Variants in NIPBL observed in about 807,000 individuals in gnomAD.
NIPBL encodes the protein nipped-B-like protein.
A neutral mutation model predicts 321.8 loss-of-function variants in NIPBL; 19 were observed. That is an observed-to-expected ratio of 0.06 (90% CI 0.04 to 0.09). The LOEUF is 0.09. NIPBL is among the 10% of genes least tolerant of loss of function. The pLI, the probability that NIPBL is intolerant of heterozygous loss-of-function variation, is 1.00. For missense variants in NIPBL, 2,210 were observed against 3,327.0 expected (o/e 0.66, Z 8.26); for synonymous variants, 1,106 against 1,114.1 (o/e 0.99, Z 0.14).
At chr5:36,899,197 A>G (rs981282379) in intron 1 of NIPBL, among the ~76,000 whole-genome samples, 2 of 152,234 alleles carry the variant, frequency 1.3e-5, no homozygotes, top group Non-Finnish European at 2.9e-5. Context: ...AGAGACAGTC[A>G]TGGGAGAACC....
chr5:36,906,005 A>G (rs1747607187), intron 1 of NIPBL, among the ~76,000 whole-genome samples: 6 of 152,118 alleles, frequency 3.9e-5, no homozygotes, highest in Admixed American at 3.9e-4. Context: ...TGGCCTCCCA[A>G]AGTGCTGGGA....
chr5:36,949,016 T>G (rs1234521873), intron 1 of NIPBL, among the ~76,000 whole-genome samples: 1 of 151,904 alleles, frequency 6.6e-6, no homozygotes, highest in Admixed American at 6.6e-5. Flanking sequence ...AAAAGTAAGA[T>G]GCAGAAGAAT....
rs113076307 is a variant in NIPBL at position 37,037,472 on chromosome 5, C to T, written c.5971+985C>T. ...AGATATAGATACCCATTGCTTGAAG[C>T]GCACAAAGACTAGCATTACTTCCCA... On this transcript the variant is annotated intron_variant, in intron 33 of 46. Coordinates refer to ENST00000282516, the MANE Select transcript of NIPBL (RefSeq NM_133433.4). Among the ~76,000 whole-genome samples, 782 of 148,802 alleles carry T rather than the reference C, an allele frequency of 5.3e-3. 6 individuals are homozygous for T. The highest frequency in any genetic ancestry group is 9.5e-3 in the Admixed American group (141 of 14,908).
intron 32 of NIPBL, among the ~76,000 whole-genome samples, chr5:37,029,183 A>C (rs1750667103): frequency 6.6e-6 from 1 of 152,222 alleles, no homozygotes; most frequent in African/African-American, 2.4e-5. Flanking sequence ...ACAGTCATGT[A>C]ACGTCCAACA....
At chr5:36,885,505 A>G (rs291113) in intron 1 of NIPBL, 6,713 of 507,692 alleles carry the variant, frequency 0.013, 370 homozygotes, top group African/African-American at 0.12. Flanking sequence ...TGAGGAGCCT[A>G]GAGACCAAGA....
chr5:36,967,302 G>A (rs111815280), intron 6 of NIPBL, among the ~76,000 whole-genome samples: 1 of 152,004 alleles, frequency 6.6e-6, no homozygotes, highest in African/African-American at 2.4e-5. Flanking sequence ...ATAAATTGGT[G>A]CAACTTTTTT....
intron 1 of NIPBL, among the ~76,000 whole-genome samples, chr5:36,919,326 G>A (rs1349111084): frequency 6.6e-6 from 1 of 151,802 alleles, no homozygotes; most frequent in African/African-American, 2.4e-5. Context: ...TTTTTATGCT[G>A]ATATAGTATG....
Position 36,962,343 on chromosome 5 carries a change from A to G in NIPBL, c.610+69A>G, listed in dbSNP as rs541963883. ...TTAATTCCAAGCAAATTTGTTTTTT[A>G]AAATATAATTATTAAACACAAACTA... is the stretch of plus-strand genomic sequence containing the variant. On this transcript the variant is annotated intron_variant, in intron 6 of 46. Transcript: ENST00000282516. 2.2e-5 allele frequency: 34 copies of G among 1,532,100 alleles called. No individual in the cohort carries two copies. The African/African-American group carries it at 4.5e-4, about 20-fold the overall frequency. 94.9% of individuals were successfully genotyped at this position (1,532,100 alleles called of 1,614,324 possible).
chr5:36,966,874 A>G (rs1165588022), intron 6 of NIPBL, among the ~76,000 whole-genome samples: 2 of 152,092 alleles, frequency 1.3e-5, no homozygotes, highest in Non-Finnish European at 2.9e-5. Flanking sequence ...AAATTATAAG[A>G]AAAACGTGGG....
At chr5:36,936,519 T>C (rs1233961700) in intron 1 of NIPBL, among the ~76,000 whole-genome samples, 2 of 152,120 alleles carry the variant, frequency 1.3e-5, no homozygotes, top group Non-Finnish European at 2.9e-5. Context: ...TACATTCTGT[T>C]ATATTTGCAC....
At chr5:36,965,796 A>G (rs1742138582) in intron 6 of NIPBL, among the ~76,000 whole-genome samples, 1 of 152,132 alleles carries the variant, frequency 6.6e-6, no homozygotes, top group Non-Finnish European at 1.5e-5. Context: ...TGCCTCTATT[A>G]TCTGTCAATA....
chr5:36,971,165 C>A, intron 7 of NIPBL, 129 bp downstream of exon 7: 2 of 768,306 alleles, frequency 2.6e-6, no homozygotes, highest in Non-Finnish European at 4.5e-6. Context: ...TACAACATGG[C>A]TCCTGCACAT....
Position 37,052,580 on chromosome 5 carries a change from C to A in NIPBL, c.7263+14C>A. 2 of 1,607,152 alleles carry A rather than the reference C, an allele frequency of 1.2e-6. No homozygotes were observed. Among genetic ancestry groups the A allele is most frequent in the Non-Finnish European group, 1.7e-6 (2 of 1,174,074 alleles). ...GATGACACAGCAGTAAGCACAAAAA[C>A]TTATTATTTTAAGAAAATAAGTGCT... On this transcript the variant is annotated intron_variant, in intron 42 of 46. Transcript: ENST00000282516.
intron 1 of NIPBL, among the ~76,000 whole-genome samples, chr5:36,903,843 G>A (rs184282557): frequency 1.6e-3 from 239 of 152,178 alleles, no homozygotes; most frequent in African/African-American, 5.3e-3. Context: ...TTTCTAAGAT[G>A]TTTTTTAGGG....
At chr5:36,939,649 G>T (rs894005848) in intron 1 of NIPBL, among the ~76,000 whole-genome samples, 13 of 152,174 alleles carry the variant, frequency 8.5e-5, no homozygotes, top group African/African-American at 2.9e-4. Context: ...AAAAAACAGA[G>T]ATTTATTTCT....
chr5:36,914,853 C>G (rs548342717), intron 1 of NIPBL, among the ~76,000 whole-genome samples: 1 of 152,248 alleles, frequency 6.6e-6, no homozygotes, highest in South Asian at 2.1e-4. Flanking sequence ...GTTACAGAGT[C>G]TGTCACTTGG....
chr5:36,951,338 A>G (rs1440923614), intron 1 of NIPBL, among the ~76,000 whole-genome samples: 1 of 152,144 alleles, frequency 6.6e-6, no homozygotes, highest in Non-Finnish European at 1.5e-5. Context: ...CCTCTAGCAT[A>G]TTACTCTCTT....
At chr5:37,044,183 G>A (rs557228133) in intron 34 of NIPBL, among the ~76,000 whole-genome samples, 164 bp from the exon 35 acceptor site, 1 of 151,566 alleles carries the variant, frequency 6.6e-6, no homozygotes, top group Admixed American at 6.6e-5. Flanking sequence ...TGACATGCTG[G>A]TGCTTCTCCT....
At chr5:36,892,336 G>T (rs77882666) in intron 1 of NIPBL, among the ~76,000 whole-genome samples, 4,827 of 152,284 alleles carry the variant, frequency 0.032, 110 homozygotes, top group South Asian at 0.081. Flanking sequence ...TTACATTGTT[G>T]TTGGGACTGT....
Sources: gnomAD v4.1 joint callset for allele counts (sites outside exome capture counted in the v4.1 genomes callset) on GRCh38, gnomAD v4.1.1 for gene constraint, MANE v1.5 for transcripts, NCBI Gene and HGNC (gene_info 2026-07-23, HGNC 2026-07-21) for gene names.